Variants in SLC4A2 observed in about 807,000 individuals in gnomAD.
The protein encoded by SLC4A2 is solute carrier family 4 member 2.
A neutral mutation model predicts 115.0 loss-of-function variants in SLC4A2; 36 were observed. The ratio of observed to expected loss-of-function variants is 0.31; its 90% CI spans 0.24 to 0.41. SLC4A2 has a LOEUF of 0.41. Ranked by LOEUF, SLC4A2 falls within the 10% of genes least tolerant of loss-of-function variation. SLC4A2 has a pLI of 1.00. For missense variants in SLC4A2, 1,252 were observed against 1,705.6 expected (o/e 0.73, Z 4.68); for synonymous variants, 708 against 708.3 (o/e 1.00, Z 0.01).
At position 151,070,766 on chromosome 7, in the gene SLC4A2, T is replaced by C; in HGVS notation, c.1604T>C (p.Val535Ala). Residue 535 changes from valine (V) to alanine (A), a missense_variant, in exon 12 of 23, where the codon GTG (valine) becomes GCG (alanine). Physicochemically the swap from Val to Ala is moderately conservative, Grantham distance 64. Coordinates refer to ENST00000413384, the MANE Select transcript of SLC4A2 (RefSeq NM_003040.4). ...EFLSRPTMAFVRLREAVELDA... is the reference protein window; with the variant it reads ...EFLSRPTMAFARLREAVELDA... ...CTCTCCCGCCCCACCATGGCCTTTG[T>C]GCGGCTCCGGGAGGCTGTGGAGTTG... The C allele has an allele frequency of 1.9e-6, 3 of 1,613,954 alleles. No individual in the cohort carries two copies. Among genetic ancestry groups the C allele is most frequent in the Non-Finnish European group, 1.7e-6 (2 of 1,179,994 alleles).
intron 10 of SLC4A2, 49 bp from the exon 11 acceptor site, chr7:151,070,408 T>C: frequency 6.2e-7 from 1 of 1,611,758 alleles, no homozygotes; most frequent in Non-Finnish European, 8.5e-7. Flanking sequence ...GGGTGTGGAC[T>C]CAGAGTGGGA....
chr7:151,072,233 G>A (rs1477748288), intron 16 of SLC4A2, 97 bp downstream of exon 16: 13 of 1,045,020 alleles, frequency 1.2e-5, no homozygotes, highest in African/African-American at 1.6e-5. Flanking sequence ...AGGCCAGGCT[G>A]GTCTGGAGCA....
chr7:151,067,063 T>G, intron 7 of SLC4A2, 70 bp downstream of exon 7: 1 of 1,452,022 alleles, frequency 6.9e-7, no homozygotes. Flanking sequence ...TCAGACCAGC[T>G]GTAATCTCAA....
chr7:151,062,949 G>T, intron 2 of SLC4A2: 1 of 1,402,786 alleles, frequency 7.1e-7, no homozygotes, highest in Non-Finnish European at 9.2e-7. Flanking sequence ...TCTGGCTGCT[G>T]GCACCGCTAT....
intron 2 of SLC4A2, chr7:151,062,855 G>A: frequency 1.4e-6 from 2 of 1,381,584 alleles, no homozygotes; most frequent in South Asian, 1.6e-5. Context: ...CTTATCCGGT[G>A]TTCTGCCAGT....
chr7:151,067,632 C>T (rs968931186), intron 7 of SLC4A2, among the ~76,000 whole-genome samples: 1 of 152,236 alleles, frequency 6.6e-6, no homozygotes, highest in African/African-American at 2.4e-5. Context: ...CCTTTTCATC[C>T]TTCTGACAGT....
At chr7:151,062,327 G>A in intron 2 of SLC4A2, among the ~76,000 whole-genome samples, 1 of 152,148 alleles carries the variant, frequency 6.6e-6, no homozygotes, top group East Asian at 1.9e-4. Flanking sequence ...CTCTCACCCA[G>A]CAACCCGTCT....
At chr7:151,063,129 C>A in intron 2 of SLC4A2, 1 of 1,520,202 alleles carries the variant, frequency 6.6e-7, no homozygotes, top group Non-Finnish European at 8.8e-7. Context: ...CTCTTACAAG[C>A]GCCGCATTCC....
At chr7:151,068,889 C>T (rs1189962901) in intron 8 of SLC4A2, among the ~76,000 whole-genome samples, 2 of 151,594 alleles carry the variant, frequency 1.3e-5, no homozygotes, top group Non-Finnish European at 2.9e-5. Flanking sequence ...CCTATAATCC[C>T]AGCACCTTGG....
chr7:151,062,123 G>A (rs1021614402), intron 2 of SLC4A2, 85 bp downstream of exon 2: 2 of 1,000,192 alleles, frequency 2.0e-6, no homozygotes. Context: ...CGCCAACCAG[G>A]GGTGTGAGCG....
At chr7:151,075,013 G>A in intron 19 of SLC4A2, 172 bp downstream of exon 19, 1 of 880,158 alleles carries the variant, frequency 1.1e-6, no homozygotes, top group Non-Finnish European at 1.7e-6. Flanking sequence ...GATGTTTGCT[G>A]GGACAGGAAC....
In SLC4A2 at chr7:151,069,616, G is replaced by A. The variant is rs34840474; in HGVS notation, c.1148-331G>A. On this transcript the variant is annotated intron_variant, in intron 8 of 22. Transcript: ENST00000413384. ...CAGCCAAGAGGGTTCAGCCAGAGTGGGCGGCCTGGACCGTCCCCATGGAGG... is the reference window on the plus strand; with the variant it reads ...CAGCCAAGAGGGTTCAGCCAGAGTGAGCGGCCTGGACCGTCCCCATGGAGG... Among the ~76,000 whole-genome samples, 841 of 152,264 alleles carry A rather than the reference G, an allele frequency of 5.5e-3. 7 individuals carry two copies. The highest frequency in any genetic ancestry group is 0.019 in the African/African-American group (804 of 41,532).
chr7:151,072,153 C>G lies in SLC4A2; in HGVS notation c.2535+17C>G. 1 of 1,608,790 alleles carries G rather than the reference C, an allele frequency of 6.2e-7. No individual in the cohort carries two copies. Among genetic ancestry groups the G allele is most frequent in the Non-Finnish European group, 8.5e-7 (1 of 1,176,214 alleles). ...CTGGTGAAGGTGGGCAGGCCCCTGCCGAGAGCTGGGCCAGGAGGGCCGAGG... is the reference window on the plus strand; with the variant it reads ...CTGGTGAAGGTGGGCAGGCCCCTGCGGAGAGCTGGGCCAGGAGGGCCGAGG... On this transcript the variant is annotated intron_variant, in intron 16 of 22. Coordinates refer to ENST00000413384, the MANE Select transcript of SLC4A2 (RefSeq NM_003040.4).
At chr7:151,067,526 C>T (rs774554519) in intron 7 of SLC4A2, among the ~76,000 whole-genome samples, 8 of 152,242 alleles carry the variant, frequency 5.3e-5, no homozygotes, top group African/African-American at 1.2e-4. Flanking sequence ...TTATAATTCA[C>T]GTCTGTTAAA....
At chr7:151,066,392 G>A (rs1007832995) in intron 5 of SLC4A2, 125 bp from the exon 6 acceptor site, 16 of 1,178,894 alleles carry the variant, frequency 1.4e-5, no homozygotes, top group Middle Eastern at 2.9e-4. Context: ...CGCACCTCCC[G>A]GGAGTGGGAG....
rs1296717747 is a variant in SLC4A2 at position 151,069,524 on chromosome 7, G to GT, written c.1148-422dup. 4.6e-5 allele frequency among the ~76,000 whole-genome samples: 7 copies of GT among 152,308 alleles called. No individual in the cohort carries two copies. In the South Asian group the frequency reaches 1.2e-3, roughly 27 times the overall value. ...CGAGGCTGCAGACCAGCTGAGTTGT[G>GT]TATCAGGGTAGAACTAGGCCCCTAG... On this transcript the variant is annotated intron_variant, in intron 8 of 22. Coordinates refer to ENST00000413384, the MANE Select transcript of SLC4A2 (RefSeq NM_003040.4).
Position 151,062,046 on chromosome 7 carries a change from T to G in SLC4A2, c.51+8T>G, listed in dbSNP as rs1159825219. The stretch of plus-strand genomic sequence containing the variant: ...GCAGATTCTTTCTGTACGGTGAGTG[T>G]GGCCCCCAGGTCGCCAGCCCAACCT... On this transcript the variant is annotated splice_region_variant and intron_variant, in intron 2 of 22. Transcript: ENST00000413384. 5.0e-6 allele frequency: 8 copies of G among 1,609,378 alleles called. No individual in the cohort carries two copies. In the South Asian group the frequency reaches 8.8e-5, roughly 18 times the overall value.
chr7:151,064,933 C>T lies in SLC4A2; in HGVS notation c.545C>T (p.Ala182Val), dbSNP rs201141316. The T allele has an allele frequency of 2.4e-5, 38 of 1,613,764 alleles. No homozygotes were observed. The highest frequency in any genetic ancestry group is 2.0e-4 in the East Asian group (9 of 44,878). Residue 182 changes from alanine to valine, a missense_variant, in exon 5 of 23, where the codon GCG becomes GTG. Physicochemically the swap from Ala to Val is moderately conservative, Grantham distance 64. Around this residue, in one of 14 missense-constraint regions of SLC4A2, gnomAD observed 215 missense variants for 205.2 expected, o/e 1.05. Coordinates refer to ENST00000413384, the MANE Select transcript of SLC4A2 (RefSeq NM_003040.4). ...SSPAPLPHQE[A>V]TPRASKGAQA... The stretch of plus-strand genomic sequence containing the variant: ...CCTGCACCACTGCCCCACCAGGAGG[C>T]GACTCCTCGGGCCTCCAAAGGGGCC...
chr7:151,075,914 C>A, intron 21 of SLC4A2, 99 bp from the exon 22 acceptor site: 1 of 1,450,114 alleles, frequency 6.9e-7, no homozygotes, highest in Non-Finnish European at 9.3e-7. Flanking sequence ...AGCTCTGGCA[C>A]CTAGGAATGT....
Sources: allele counts gnomAD v4.1 joint callset (sites outside exome capture counted in the v4.1 genomes callset), GRCh38; gene constraint gnomAD v4.1.1; regional missense constraint gnomAD v4.1.1; transcripts MANE v1.5; gene names NCBI Gene and HGNC (gene_info 2026-07-23, HGNC 2026-07-21).